CDH13: variants seen among roughly 807,000 people sequenced by gnomAD.
CDH13 encodes the protein cadherin-13.
Under a neutral mutation model 63.8 loss-of-function variants are expected in CDH13, and 24 were observed. The ratio of observed to expected loss-of-function variants is 0.38; its 90% CI spans 0.27 to 0.53. The LOEUF (loss-of-function observed/expected upper bound fraction) is 0.53. CDH13 is among the 20% of genes least tolerant of loss of function. The pLI is 0.85. For synonymous variants in CDH13, 503 were observed against 355.3 expected (o/e 1.42, Z -4.67); for missense variants, 1,049 against 903.1 (o/e 1.16, Z -2.07).
chr16:82,866,140 G>A (rs1410038645), intron 2 of CDH13, among the ~76,000 whole-genome samples: 1 of 152,054 alleles, frequency 6.6e-6, no homozygotes, highest in Non-Finnish European at 1.5e-5. Context: ...CATCAGCCTG[G>A]ACTTCATCGT....
chr16:83,404,677 G>A (rs1290172789), intron 6 of CDH13, among the ~76,000 whole-genome samples: 1 of 152,152 alleles, frequency 6.6e-6, no homozygotes, highest in Admixed American at 6.5e-5. Flanking sequence ...CCTCCTATGT[G>A]CCTAAATCTT....
intron 8 of CDH13, among the ~76,000 whole-genome samples, chr16:83,629,020 T>G (rs140662656): frequency 6.6e-6 from 1 of 152,324 alleles, no homozygotes; most frequent in African/African-American, 2.4e-5. Flanking sequence ...ATTTTCATGG[T>G]AACTGGTAAT....
intron 7 of CDH13, among the ~76,000 whole-genome samples, chr16:83,511,713 A>G (rs2074570899): frequency 6.6e-6 from 1 of 152,220 alleles, no homozygotes; most frequent in Non-Finnish European, 1.5e-5. Context: ...TAATTATCCT[A>G]GAAGTCCTAT....
chr16:83,148,293 C>T (rs145141450), intron 4 of CDH13, among the ~76,000 whole-genome samples: 2 of 152,272 alleles, frequency 1.3e-5, no homozygotes, highest in South Asian at 2.1e-4. Context: ...GAGGCTGAGA[C>T]AACATGGGTG....
intron 3 of CDH13, among the ~76,000 whole-genome samples, chr16:83,069,304 C>G (rs528930184): frequency 7.2e-4 from 110 of 152,196 alleles, no homozygotes; most frequent in Non-Finnish European, 1.3e-3. Flanking sequence ...CTGTGGCACT[C>G]TTTAGTGGAA....
At chr16:83,435,432 GCT>G (rs2072265158) in intron 6 of CDH13, among the ~76,000 whole-genome samples, 1 of 152,000 alleles carries the variant, frequency 6.6e-6, no homozygotes, top group Admixed American at 6.6e-5. Context: ...GCCTTCTGTG[GCT>G]CCCCGTTGCC....
chr16:82,969,189 C>G (rs1031243918), intron 2 of CDH13, among the ~76,000 whole-genome samples: 6 of 152,124 alleles, frequency 3.9e-5, no homozygotes. Context: ...AAACCAAAGG[C>G]CAGCAAACTT....
intron 2 of CDH13, among the ~76,000 whole-genome samples, chr16:82,949,305 T>C (rs12102621): frequency 0.081 from 12,314 of 152,224 alleles, 1,584 homozygotes; most frequent in African/African-American, 0.27. Flanking sequence ...ATCTCTGCTT[T>C]GTTCCTCACA....
Position 83,179,916 on chromosome 16 carries a change from C to T in CDH13, c.484-37429C>T, listed in dbSNP as rs1450087739. Reference sequence around the variant, plus strand: ...TTTTTTTTTTTTTAATTTATAAGTGCTTATGAACAGGAAACGATGGGAGAA... The same window carrying T: ...TTTTTTTTTTTTTAATTTATAAGTGTTTATGAACAGGAAACGATGGGAGAA... On this transcript the variant is annotated intron_variant, in intron 4 of 13. Transcript: ENST00000567109. Among the ~76,000 whole-genome samples the T allele has an allele frequency of 2.7e-5, 4 of 150,830 alleles. No individual in the cohort carries two copies. In the South Asian group the frequency reaches 8.4e-4, roughly 32 times the overall value.
chr16:83,620,238 A>C (rs540588801), intron 8 of CDH13, among the ~76,000 whole-genome samples: 2 of 152,142 alleles, frequency 1.3e-5, no homozygotes, highest in East Asian at 1.9e-4. Context: ...TGAAAATACA[A>C]AAATTAGCCG....
At chr16:82,868,963 T>G (rs1444340027) in intron 2 of CDH13, among the ~76,000 whole-genome samples, 1 of 152,184 alleles carries the variant, frequency 6.6e-6, no homozygotes, top group Admixed American at 6.5e-5. Flanking sequence ...ATCTGGAAAA[T>G]TAATATTATA....
chr16:83,339,708 C>T (rs923286794), intron 5 of CDH13, among the ~76,000 whole-genome samples: 1 of 152,114 alleles, frequency 6.6e-6, no homozygotes, highest in African/African-American at 2.4e-5. Context: ...CACAGATGTC[C>T]CCCACCTCCA....
At chr16:83,009,006 C>T (rs748486199) in intron 2 of CDH13, among the ~76,000 whole-genome samples, 6 of 152,132 alleles carry the variant, frequency 3.9e-5, no homozygotes, top group Non-Finnish European at 7.4e-5. Context: ...CATCAGATCT[C>T]GTGAGAACTC....
intron 1 of CDH13, among the ~76,000 whole-genome samples, chr16:82,799,128 C>G (rs183872364): frequency 2.0e-5 from 3 of 152,002 alleles, no homozygotes; most frequent in Admixed American, 2.0e-4. Flanking sequence ...TTATATATCC[C>G]CCTAAAATGC....
intron 1 of CDH13, chr16:82,727,791 C>T (rs1185426722): frequency 6.6e-6 from 1 of 152,120 alleles, no homozygotes; most frequent in African/African-American, 2.4e-5. Context: ...GACAGGCAGC[C>T]CCAACCTATG....
chr16:83,464,105 G>A (rs1027034360), intron 6 of CDH13, among the ~76,000 whole-genome samples: 11 of 152,120 alleles, frequency 7.2e-5, no homozygotes, highest in African/African-American at 2.2e-4. Flanking sequence ...ACAGAGTCTT[G>A]CCTTGTTATC....
At chr16:83,513,338 A>G (rs1158928234) in intron 7 of CDH13, among the ~76,000 whole-genome samples, 2 of 152,154 alleles carry the variant, frequency 1.3e-5, no homozygotes, top group Admixed American at 1.3e-4. Flanking sequence ...TTTTCTCCAA[A>G]ATATTAGAAC....
intron 6 of CDH13, among the ~76,000 whole-genome samples, chr16:83,389,200 CATT>C (rs1315479175): frequency 2.0e-5 from 3 of 152,174 alleles, no homozygotes; most frequent in Non-Finnish European, 4.4e-5. Context: ...ACAAAAATCA[CATT>C]ATTGTAAGAA....
At chr16:83,062,188 G>C (rs2031615884) in intron 3 of CDH13, among the ~76,000 whole-genome samples, 1 of 152,118 alleles carries the variant, frequency 6.6e-6, no homozygotes, top group African/African-American at 2.4e-5. Context: ...TTACTGTCTG[G>C]TTAAATATCA....
Sources: gnomAD v4.1 joint callset for allele counts (sites outside exome capture counted in the v4.1 genomes callset) on GRCh38, gnomAD v4.1.1 for gene constraint, MANE v1.5 for transcripts, NCBI Gene and HGNC (gene_info 2026-07-23, HGNC 2026-07-21) for gene names.